The following CNGB3 variants were observed in gnomAD, a reference collection of about 807,000 sequenced individuals.
CNGB3 encodes cyclic nucleotide gated channel subunit beta 3, also known as cyclic nucleotide-gated channel beta-3.
A neutral mutation model predicts 92.8 loss-of-function variants in CNGB3; 86 were observed. That is an observed-to-expected ratio of 0.93 (90% CI 0.78 to 1.11). CNGB3 has a LOEUF of 1.11. Ranked by LOEUF, CNGB3 falls within the 50% of genes least tolerant of loss-of-function variation. CNGB3 has a pLI of 0.00. For missense variants in CNGB3, 1,026 were observed against 956.8 expected, an observed-to-expected ratio of 1.07 and a Z score of -0.95; for synonymous variants, 333 against 332.7, an observed-to-expected ratio of 1.00 and a Z score of -0.01.
chr8:86,714,469 T>A (rs1261667187), intron 3 of CNGB3, among the ~76,000 whole-genome samples: 1 of 152,158 alleles, frequency 6.6e-6, no homozygotes, highest in African/African-American at 2.4e-5. Context: ...GCTAGAAATA[T>A]GTTAGCAATA....
At chr8:86,621,408 A>C (rs1218644249) in intron 13 of CNGB3, among the ~76,000 whole-genome samples, 1 of 152,208 alleles carries the variant, frequency 6.6e-6, no homozygotes, top group East Asian at 1.9e-4. Context: ...AAAATTTTAT[A>C]ATACCTACTC....
At chr8:86,724,568 C>T (rs1451404360) in intron 3 of CNGB3, among the ~76,000 whole-genome samples, 1 of 152,050 alleles carries the variant, frequency 6.6e-6, no homozygotes, top group Non-Finnish European at 1.5e-5. Context: ...GGCATGGCCC[C>T]TGCCATCATG....
intron 15 of CNGB3, among the ~76,000 whole-genome samples, chr8:86,598,191 G>A (rs1187742823): frequency 5.3e-5 from 8 of 152,246 alleles, no homozygotes; most frequent in Admixed American, 3.9e-4. Context: ...GATCAGATCT[G>A]TGTTTCCAAA....
chr8:86,652,687 C>A (rs987743851), intron 7 of CNGB3, among the ~76,000 whole-genome samples: 11 of 152,054 alleles, frequency 7.2e-5, no homozygotes, highest in Non-Finnish European at 1.2e-4. Context: ...TCTTCCACAT[C>A]CACATCTTGC....
At chr8:86,583,721 A>C (rs916260958) in intron 15 of CNGB3, among the ~76,000 whole-genome samples, 1 of 151,980 alleles carries the variant, frequency 6.6e-6, no homozygotes, top group Non-Finnish European at 1.5e-5. Context: ...GGAGTTCGAG[A>C]CCAGACTGGG....
At chr8:86,687,500 A>C (rs973996739) in intron 3 of CNGB3, among the ~76,000 whole-genome samples, 17 of 152,054 alleles carry the variant, frequency 1.1e-4, no homozygotes. Context: ...CATAGAGACA[A>C]AATGCAAATG....
chr8:86,647,652 G>A, intron 8 of CNGB3, 149 bp downstream of exon 8: 1 of 570,692 alleles, frequency 1.8e-6, no homozygotes. Context: ...TTATAGCATT[G>A]ATGAGGGCAG....
intron 3 of CNGB3, among the ~76,000 whole-genome samples, chr8:86,703,202 T>G (rs1191226002): frequency 1.3e-5 from 2 of 152,122 alleles, no homozygotes; most frequent in East Asian, 3.9e-4. Flanking sequence ...ACAAGACTAA[T>G]TAATTTTTCA....
chr8:86,587,538 T>C (rs578101624), intron 15 of CNGB3, among the ~76,000 whole-genome samples: 1 of 152,308 alleles, frequency 6.6e-6, no homozygotes, highest in African/African-American at 2.4e-5. Context: ...AGGGATCCAG[T>C]TTCAGCTTTC....
intron 3 of CNGB3, among the ~76,000 whole-genome samples, chr8:86,705,122 T>C (rs1002826097): frequency 6.6e-6 from 1 of 152,102 alleles, no homozygotes; most frequent in Non-Finnish European, 1.5e-5. Flanking sequence ...GAGAAGCAAA[T>C]TGCCTAGGAA....
intron 3 of CNGB3, among the ~76,000 whole-genome samples, chr8:86,682,884 T>C (rs1032217217): frequency 1.3e-5 from 2 of 152,154 alleles, no homozygotes; most frequent in Admixed American, 6.6e-5. Context: ...GATTCAGGAC[T>C]GTAAGACAGA....
At chr8:86,714,339 G>A (rs919383417) in intron 3 of CNGB3, among the ~76,000 whole-genome samples, 2 of 152,070 alleles carry the variant, frequency 1.3e-5, no homozygotes, top group Non-Finnish European at 2.9e-5. Flanking sequence ...CTGTCACCCA[G>A]GCTGGAGTGC....
chr8:86,640,774 G>C (rs111702732), intron 10 of CNGB3, among the ~76,000 whole-genome samples: 74 of 152,150 alleles, frequency 4.9e-4, no homozygotes, highest in African/African-American at 1.6e-3. Flanking sequence ...CTCTAAAATG[G>C]TTTTGTTTTA....
chr8:86,688,158 C>G (rs116201297), intron 3 of CNGB3, among the ~76,000 whole-genome samples: 1 of 151,928 alleles, frequency 6.6e-6, no homozygotes, highest in Admixed American at 6.6e-5. Context: ...GAGAGGACCA[C>G]GAGAGAGATG....
At chr8:86,684,217 T>C (rs1243548537) in intron 3 of CNGB3, among the ~76,000 whole-genome samples, 1 of 152,160 alleles carries the variant, frequency 6.6e-6, no homozygotes. Context: ...GAAGATGATA[T>C]GCAGATGGCA....
At chr8:86,593,430 C>T (rs1243041288) in intron 15 of CNGB3, among the ~76,000 whole-genome samples, 1 of 152,148 alleles carries the variant, frequency 6.6e-6, no homozygotes, top group Non-Finnish European at 1.5e-5. Flanking sequence ...GGAGTGAAAA[C>T]CAGGTAACTA....
intron 2 of CNGB3, 35 bp downstream of exon 2, chr8:86,739,620 G>GTTTTTTTTTTTTTTTTTTTTTTTTTTGTT: frequency 6.7e-7 from 1 of 1,488,506 alleles, no homozygotes; most frequent in South Asian, 1.2e-5. Context: ...TCACTTTTTA[G>GTTTTTTTTTTTTTTTTTTTTTTTTTTGTT]TTTTTTTTTT....
chr8:86,728,732 G>C (rs974900187), intron 2 of CNGB3, among the ~76,000 whole-genome samples: 62 of 152,178 alleles, frequency 4.1e-4, no homozygotes, highest in African/African-American at 1.4e-3. Context: ...TCTCAAAGGA[G>C]TCCGGACCAA....
intron 2 of CNGB3, among the ~76,000 whole-genome samples, chr8:86,733,553 TG>T (rs1825195240): frequency 6.6e-6 from 1 of 152,238 alleles, no homozygotes; most frequent in Non-Finnish European, 1.5e-5. Context: ...ATATACATTT[TG>T]TAGGAGGGTC....
Sources: gnomAD v4.1 joint callset for allele counts (sites outside exome capture counted in the v4.1 genomes callset) on GRCh38, gnomAD v4.1.1 for gene constraint, MANE v1.5 for transcripts, NCBI Gene and HGNC (gene_info 2026-07-23, HGNC 2026-07-21) for gene names.